Variants in TFCP2L1 observed in about 807,000 individuals in gnomAD.
TFCP2L1 encodes transcription factor CP2-like protein 1.
In TFCP2L1, 12 loss-of-function variants were observed where a neutral mutation model predicts 72.2. That is an observed-to-expected ratio of 0.17 (90% CI 0.11 to 0.27). TFCP2L1 has a LOEUF of 0.27. Among genes scored for constraint, TFCP2L1 ranks in the 10% least tolerant of loss-of-function variants. The probability of loss-of-function intolerance (pLI) is 1.00; values close to 1 mark genes in which losing one functional copy is unlikely to be tolerated. For synonymous variants in TFCP2L1, 260 were observed against 251.0 expected, an observed-to-expected ratio of 1.04 and a Z score of -0.34; for missense variants, 488 against 624.6, an observed-to-expected ratio of 0.78 and a Z score of 2.33.
Position 121,239,542 on chromosome 2 carries a change from G to A in TFCP2L1, c.860+16C>T. The stretch of plus-strand genomic sequence containing the variant: ...CTTCATTTCAGGGAACCCGAAGAAA[G>A]AGAGGTGGGACGTACCCTTCGCCGA... On this transcript the variant is annotated intron_variant, in intron 8 of 14. Coordinates refer to ENST00000263707, the MANE Select transcript of TFCP2L1 (RefSeq NM_014553.3). 1 of 1,613,848 alleles carries A rather than the reference G, an allele frequency of 6.2e-7. No individual in the cohort carries two copies. Among genetic ancestry groups the A allele is most frequent in the Non-Finnish European group, 8.5e-7 (1 of 1,179,742 alleles).
At chr2:121,264,467 G>A (rs1452024415) in intron 2 of TFCP2L1, among the ~76,000 whole-genome samples, 2 of 152,218 alleles carry the variant, frequency 1.3e-5, no homozygotes, top group East Asian at 1.9e-4. Context: ...GGCCACCTTG[G>A]TCCAAGTGAG....
At chr2:121,228,189 T>C (rs1266182183) in intron 13 of TFCP2L1, among the ~76,000 whole-genome samples, 1 of 152,210 alleles carries the variant, frequency 6.6e-6, no homozygotes, top group Non-Finnish European at 1.5e-5. Context: ...TGCTCTCTGC[T>C]TCACTTGCTT....
chr2:121,247,158 CAAAAG>C (rs758874863), intron 5 of TFCP2L1, among the ~76,000 whole-genome samples, 188 bp from the exon 6 acceptor site: 4 of 152,146 alleles, frequency 2.6e-5, no homozygotes, highest in Non-Finnish European at 5.9e-5. Flanking sequence ...CCCCTGCCTG[CAAAAG>C]ACATACACAC....
chr2:121,239,618 AC>A lies in TFCP2L1; in HGVS notation c.799del (p.Val267Ter). On this transcript the variant is annotated frameshift_variant, in exon 8 of 15. Transcript: ENST00000263707. LOFTEE classifies it high-confidence loss of function. ...CSPWPDVAYQ[V>X]NSAPSPSYNG... ...GTAGCTTGGGGACGGGGCGCTGTTC[AC>A]CTGGTAGGCCACGTCGGGCCATGGA... 1.2e-6 allele frequency: 2 copies of A among 1,614,182 alleles called. No homozygotes were observed. Among genetic ancestry groups the A allele is most frequent in the Non-Finnish European group, 1.7e-6 (2 of 1,180,018 alleles).
Position 121,285,082 on chromosome 2 carries a change from G to T in TFCP2L1, c.28C>A (p.His10Asn). ...CTGCCGGAGTTGTGCTGGTTGTAGT[G>T]CTCGGGCTGCGTGTGCCAGAAGAGC... Reference protein sequence around the residue: MLFWHTQPEHYNQHNSGSYL... With the variant: MLFWHTQPENYNQHNSGSYL... The change falls in exon 1 of 15, where the codon CAC becomes AAC. Residue 10 changes from histidine to asparagine, a missense_variant. His to Asn is a moderately conservative substitution (Grantham distance 68). This residue lies in a region of TFCP2L1 where 73 missense variants were observed against 59.7 expected (regional missense o/e 1.22). Coordinates refer to ENST00000263707, the MANE Select transcript of TFCP2L1 (RefSeq NM_014553.3). The T allele has an allele frequency of 1.3e-6, 2 of 1,524,912 alleles. No homozygotes were observed. The highest frequency in any genetic ancestry group is 2.1e-5 in the Admixed American group (1 of 47,330). The allele number at this position is 1,524,912 out of a possible 1,614,324, so 94.5% of individuals were successfully genotyped here. A position where few individuals can be genotyped will look rare whatever the true frequency, so the allele number is the denominator to read the frequency against.
chr2:121,231,221 C>T (rs981206322), intron 13 of TFCP2L1, among the ~76,000 whole-genome samples: 5 of 152,218 alleles, frequency 3.3e-5, no homozygotes, highest in Admixed American at 2.6e-4. Context: ...CAGGATAGAA[C>T]AAACTTAAAA....
intron 2 of TFCP2L1, among the ~76,000 whole-genome samples, chr2:121,270,422 G>A (rs879795236): frequency 3.3e-5 from 5 of 152,168 alleles, no homozygotes; most frequent in Admixed American, 6.5e-5. Context: ...AAGGCAATCC[G>A]GCAGTACCTA....
intron 13 of TFCP2L1, among the ~76,000 whole-genome samples, chr2:121,227,720 T>TACGCACAC (rs1553431253): frequency 3.1e-4 from 46 of 147,422 alleles, no homozygotes; most frequent in African/African-American, 1.1e-3. Flanking sequence ...AAACATACAA[T>TACGCACAC]ACACACACAC....
intron 2 of TFCP2L1, 36 bp downstream of exon 2, chr2:121,281,084 T>G: frequency 6.2e-7 from 1 of 1,612,934 alleles, no homozygotes; most frequent in South Asian, 1.1e-5. Flanking sequence ...CCACTACTTC[T>G]GGGTTCCGCC....
At chr2:121,274,497 G>T (rs981763111) in intron 2 of TFCP2L1, among the ~76,000 whole-genome samples, 1 of 152,176 alleles carries the variant, frequency 6.6e-6, no homozygotes, top group African/African-American at 2.4e-5. Context: ...TGCCTAAGGT[G>T]TATATGAAAC....
chr2:121,220,467 C>A lies in TFCP2L1; in HGVS notation c.*3874G>T, dbSNP rs548926013. 6.6e-6 allele frequency: 1 copy of A among 152,344 alleles called. No individual in the cohort carries two copies. The highest frequency in any genetic ancestry group is 2.4e-5 in the African/African-American group (1 of 41,574). The allele number at this position is 152,344 out of a possible 1,614,324, so 9.4% of individuals were successfully genotyped here. ...AGGGTTTATCTCAACCTTGCAGATA[C>A]CCCGCAAAAACCGTGACGACCTAAG... On this transcript the variant is annotated 3_prime_UTR_variant, in exon 15 of 15. Transcript: ENST00000263707.
intron 2 of TFCP2L1, among the ~76,000 whole-genome samples, chr2:121,258,108 A>AC (rs535275011): frequency 1.0e-3 from 155 of 152,302 alleles, no homozygotes; most frequent in African/African-American, 3.7e-3. Flanking sequence ...AAGATGCTCC[A>AC]CCTCACTCAT....
chr2:121,278,766 G>A (rs1687198377), intron 2 of TFCP2L1, among the ~76,000 whole-genome samples: 1 of 151,400 alleles, frequency 6.6e-6, no homozygotes, highest in South Asian at 2.1e-4. Flanking sequence ...CACTTTGGAA[G>A]CCCAAGGTAG....
intron 2 of TFCP2L1, among the ~76,000 whole-genome samples, chr2:121,274,850 G>C: frequency 6.6e-6 from 1 of 151,902 alleles, no homozygotes; most frequent in East Asian, 1.9e-4. Context: ...GCTGAGGCAA[G>C]AGGACTAATT....
intron 1 of TFCP2L1, among the ~76,000 whole-genome samples, chr2:121,282,193 A>C (rs966855069): frequency 6.6e-6 from 1 of 151,812 alleles, no homozygotes; most frequent in Non-Finnish European, 1.5e-5. Flanking sequence ...TCGGCCTCCC[A>C]AAGTGCTGGG....
At chr2:121,266,513 C>A (rs943930143) in intron 2 of TFCP2L1, among the ~76,000 whole-genome samples, 1 of 152,228 alleles carries the variant, frequency 6.6e-6, no homozygotes, top group South Asian at 2.1e-4. Flanking sequence ...GACTGCCAGG[C>A]ACCTGCTTGG....
At chr2:121,264,288 T>C (rs1053882091) in intron 2 of TFCP2L1, among the ~76,000 whole-genome samples, 4 of 152,230 alleles carry the variant, frequency 2.6e-5, no homozygotes, top group African/African-American at 9.6e-5. Context: ...AAGGCCTTTC[T>C]GGAGCAGTCT....
intron 2 of TFCP2L1, among the ~76,000 whole-genome samples, chr2:121,268,360 T>C (rs1346884952): frequency 2.0e-5 from 3 of 152,126 alleles, no homozygotes; most frequent in African/African-American, 7.2e-5. Flanking sequence ...CCCATTTATT[T>C]ATTTATTTAT....
chr2:121,271,823 C>G (rs1238680708), intron 2 of TFCP2L1, among the ~76,000 whole-genome samples: 1 of 152,188 alleles, frequency 6.6e-6, no homozygotes, highest in East Asian at 1.9e-4. Flanking sequence ...GTTCTAGGAG[C>G]AGGGAAGACA....
Sources: allele counts gnomAD v4.1 joint callset (sites outside exome capture counted in the v4.1 genomes callset), GRCh38; gene constraint gnomAD v4.1.1; regional missense constraint gnomAD v4.1.1; transcripts MANE v1.5; gene names NCBI Gene and HGNC (gene_info 2026-07-23, HGNC 2026-07-21).